TMEM131: variants seen among roughly 807,000 people sequenced by gnomAD.
TMEM131 encodes 2610524E03Rik.
A neutral mutation model predicts 211.6 loss-of-function variants in TMEM131; 66 were observed. The ratio of observed to expected loss-of-function variants is 0.31; its 90% CI spans 0.26 to 0.38. TMEM131 has a LOEUF of 0.38. Ranked by LOEUF, TMEM131 falls within the 10% of genes least tolerant of loss-of-function variation. TMEM131 has a pLI of 1.00. For missense variants in TMEM131, 2,036 were observed against 2,299.3 expected (o/e 0.89, Z 2.34); for synonymous variants, 844 against 841.3 (o/e 1.00, Z -0.06).
chr2:97,875,248 C>G (rs940299940), intron 4 of TMEM131, among the ~76,000 whole-genome samples: 3 of 152,220 alleles, frequency 2.0e-5, no homozygotes, highest in Non-Finnish European at 2.9e-5. Context: ...GAGACTTAAA[C>G]TCCCACACAA....
chr2:97,946,099 T>C (rs1340996849), intron 1 of TMEM131, among the ~76,000 whole-genome samples: 1 of 152,138 alleles, frequency 6.6e-6, no homozygotes, highest in African/African-American at 2.4e-5. Flanking sequence ...TGCAGGGATT[T>C]TATCTTGCAT....
chr2:97,955,082 A>C (rs907136721), intron 1 of TMEM131, among the ~76,000 whole-genome samples: 4 of 152,158 alleles, frequency 2.6e-5, no homozygotes, highest in African/African-American at 9.7e-5. Flanking sequence ...AAAAACCCTC[A>C]AACAAATACC....
At chr2:97,758,733 T>C (rs187537793) in intron 40 of TMEM131, among the ~76,000 whole-genome samples, 160 bp downstream of exon 40, 63 of 152,388 alleles carry the variant, frequency 4.1e-4, no homozygotes, top group Non-Finnish European at 1.5e-5. Context: ...TTTGACAGAA[T>C]ATGAAGACAA....
intron 1 of TMEM131, among the ~76,000 whole-genome samples, chr2:97,968,577 A>C (rs1679157921): frequency 6.6e-6 from 1 of 152,162 alleles, no homozygotes; most frequent in Non-Finnish European, 1.5e-5. Context: ...TGTTCAGACA[A>C]AAACATAAGT....
intron 3 of TMEM131, among the ~76,000 whole-genome samples, chr2:97,902,490 C>T (rs1675896737): frequency 6.6e-6 from 1 of 152,074 alleles, no homozygotes; most frequent in African/African-American, 2.4e-5. Context: ...CAGTAACTCA[C>T]GGTTTTTAAT....
intron 5 of TMEM131, among the ~76,000 whole-genome samples, chr2:97,858,768 G>A (rs141519121): frequency 1.8e-4 from 27 of 152,292 alleles, no homozygotes; most frequent in African/African-American, 6.5e-4. Flanking sequence ...AGCCAGCAGC[G>A]AAACAAGGGT....
At chr2:97,827,993 G>GCTCTCT (rs1180474889) in intron 11 of TMEM131, among the ~76,000 whole-genome samples, 2 of 152,076 alleles carry the variant, frequency 1.3e-5, no homozygotes, top group Non-Finnish European at 2.9e-5. Context: ...TTTGATCATG[G>GCTCTCT]CTCTCTCTGC....
At chr2:97,859,910 T>C (rs1045965135) in intron 4 of TMEM131, among the ~76,000 whole-genome samples, 32 of 152,204 alleles carry the variant, frequency 2.1e-4, no homozygotes, top group Admixed American at 2.6e-4. Flanking sequence ...GAAAAGTTAA[T>C]TAACTTGTCA....
chr2:97,834,567 A>T, intron 10 of TMEM131, 54 bp downstream of exon 10: 2 of 1,303,346 alleles, frequency 1.5e-6, no homozygotes, highest in Non-Finnish European at 2.1e-6. Flanking sequence ...CACTGAATAC[A>T]GGGGTTAAAA....
chr2:97,812,469 A>G lies in TMEM131; in HGVS notation c.1815T>C (p.Ile605=), dbSNP rs755764779. The part of the protein sequence containing the change: ...AVERGNRTTI[I]SSLPEFEKSS... ...ATTTTTCAAACTCTGGCAGGCTTGA[A>G]ATTATTGTAGTTCTATTGCCTCTTT... The change falls in exon 17 of 41, where the codon ATT becomes ATC. Residue 605 remains isoleucine (I), a synonymous_variant. Transcript: ENST00000186436. 6.2e-7 allele frequency: 1 copy of G among 1,613,172 alleles called. No individual in the cohort carries two copies. The highest frequency in any genetic ancestry group is 8.5e-7 in the Non-Finnish European group (1 of 1,179,638).
At chr2:97,836,087 ACAC>A (rs1386525299) in intron 8 of TMEM131, among the ~76,000 whole-genome samples, 1 of 152,214 alleles carries the variant, frequency 6.6e-6, no homozygotes, top group African/African-American at 2.4e-5. Flanking sequence ...TTTCCCTCAA[ACAC>A]CACAATTTCA....
intron 4 of TMEM131, among the ~76,000 whole-genome samples, chr2:97,885,762 T>TAG (rs1256005293): frequency 6.6e-6 from 1 of 152,222 alleles, no homozygotes; most frequent in African/African-American, 2.4e-5. Context: ...GATAACCTGT[T>TAG]TGGGCTGACT....
intron 11 of TMEM131, among the ~76,000 whole-genome samples, chr2:97,830,324 A>T (rs1010214726): frequency 2.6e-5 from 4 of 152,152 alleles, no homozygotes; most frequent in African/African-American, 4.8e-5. Context: ...GTTAGTGACT[A>T]TTGCTAACTC....
chr2:97,825,395 A>G (rs997307560), intron 11 of TMEM131, among the ~76,000 whole-genome samples: 10 of 152,252 alleles, frequency 6.6e-5, no homozygotes, highest in Non-Finnish European at 1.0e-4. Context: ...CAGTGCCCTC[A>G]GCAAGGAATG....
intron 1 of TMEM131, among the ~76,000 whole-genome samples, chr2:97,928,659 C>T (rs1007280179): frequency 2.6e-5 from 4 of 151,776 alleles, no homozygotes; most frequent in African/African-American, 9.7e-5. Context: ...AGAAACCATA[C>T]ACACGCAATG....
chr2:97,821,125 G>C (rs1457660692), intron 11 of TMEM131, among the ~76,000 whole-genome samples: 3 of 152,172 alleles, frequency 2.0e-5, no homozygotes, highest in Admixed American at 6.5e-5. Flanking sequence ...TTCCTGGGTT[G>C]AGTGGGGACT....
intron 1 of TMEM131, among the ~76,000 whole-genome samples, chr2:97,972,101 G>A (rs911736426): frequency 4.0e-4 from 61 of 151,044 alleles, no homozygotes; most frequent in Admixed American, 3.0e-3. Flanking sequence ...CCAGCTACTC[G>A]GGAGGCTGAG....
intron 1 of TMEM131, among the ~76,000 whole-genome samples, chr2:97,932,662 A>T (rs1677279573): frequency 6.6e-6 from 1 of 152,208 alleles, no homozygotes; most frequent in South Asian, 2.1e-4. Context: ...AGATCTGTAA[A>T]CTTCAGTTAT....
intron 3 of TMEM131, among the ~76,000 whole-genome samples, chr2:97,896,989 T>C (rs1675641072): frequency 9.5e-6 from 1 of 104,836 alleles, no homozygotes; most frequent in African/African-American, 4.3e-5. Flanking sequence ...TCAATATATC[T>C]AGGAGTTCTT....
Sources: allele counts gnomAD v4.1 joint callset (sites outside exome capture counted in the v4.1 genomes callset), GRCh38; gene constraint gnomAD v4.1.1; transcripts MANE v1.5; gene names NCBI Gene and HGNC (gene_info 2026-07-23, HGNC 2026-07-21).